Variants in PAPPA2 observed in about 807,000 individuals in gnomAD.
PAPPA2 encodes the protein pappalysin 2, also known as pappalysin-2.
Under a neutral mutation model 176.4 loss-of-function variants are expected in PAPPA2, and 86 were observed. That is an observed-to-expected ratio of 0.49 (90% confidence interval 0.41 to 0.58). The LOEUF (loss-of-function observed/expected upper bound fraction) is 0.58, where lower values mean the gene tolerates loss of function less well. Among genes scored for constraint, PAPPA2 ranks in the 20% least tolerant of loss-of-function variants. The probability of loss-of-function intolerance (pLI) is 0.00; values close to 1 mark genes in which losing one functional copy is unlikely to be tolerated. For missense variants in PAPPA2, 2,073 were observed against 2,256.9 expected (o/e 0.92, Z 1.65); for synonymous variants, 809 against 852.2 (o/e 0.95, Z 0.88).
chr1:176,780,423 C>A (rs1330017555), intron 17 of PAPPA2, among the ~76,000 whole-genome samples: 1 of 152,168 alleles, frequency 6.6e-6, no homozygotes, highest in Non-Finnish European at 1.5e-5. Context: ...CCCTGACTCT[C>A]CCCAACAGTA....
At chr1:176,686,340 A>G (rs1044577061) in intron 4 of PAPPA2, among the ~76,000 whole-genome samples, 2 of 152,182 alleles carry the variant, frequency 1.3e-5, no homozygotes, top group Admixed American at 6.5e-5. Context: ...GGGAAATGCC[A>G]GACACTTATA....
At chr1:176,476,082 C>A (rs140791160) in intron 1 of PAPPA2, among the ~76,000 whole-genome samples, 37 of 152,272 alleles carry the variant, frequency 2.4e-4, no homozygotes, top group African/African-American at 8.9e-4. Context: ...AAAGCTGGAT[C>A]ATTTTCCATG....
chr1:176,740,397 C>A (rs1049653622), intron 14 of PAPPA2, among the ~76,000 whole-genome samples: 2 of 152,102 alleles, frequency 1.3e-5, no homozygotes, highest in African/African-American at 4.8e-5. Flanking sequence ...TTCTTCTTTC[C>A]TTAGCTGACC....
chr1:176,616,732 G>T (rs777825902), intron 3 of PAPPA2: 1 of 1,355,076 alleles, frequency 7.4e-7, no homozygotes, highest in Non-Finnish European at 1.0e-6. Context: ...TGTGTAATAG[G>T]AAATCTCATG....
chr1:176,640,656 G>A (rs548542287), intron 3 of PAPPA2, among the ~76,000 whole-genome samples: 6 of 152,104 alleles, frequency 3.9e-5, no homozygotes, highest in Admixed American at 3.9e-4. Context: ...ATATACGTGT[G>A]CATGTGTCTT....
intron 1 of PAPPA2, among the ~76,000 whole-genome samples, chr1:176,504,379 A>T (rs781304660): frequency 6.6e-6 from 1 of 152,146 alleles, no homozygotes; most frequent in East Asian, 1.9e-4. Context: ...ATACATGCAG[A>T]TATATAAATA....
rs1486678701 is a variant in PAPPA2, at chr1:176,595,207, G to T, written c.1603G>T (p.Asp535Tyr). The T allele has an allele frequency of 6.2e-7, 1 of 1,614,108 alleles. No individual in the cohort carries two copies. Among genetic ancestry groups the T allele is most frequent in the African/African-American group, 1.3e-5 (1 of 74,940 alleles). Residue 535 changes from aspartate (D) to tyrosine (Y), a missense_variant, in exon 3 of 23, where the codon GAT becomes TAT. Physicochemically the swap from Asp to Tyr is radical, Grantham distance 160 (BLOSUM62 -3). This residue lies in a region of PAPPA2 where 1,196 missense variants were observed against 1,330.4 expected (regional missense o/e 0.90). Transcript: ENST00000367662. ...IRYQVVNICD[D>Y]EGLNPIVSEE... ...CTACCAGGTGGTGAACATCTGTGAT[G>T]ATGAGGGCCTAAACCCCATTGTGAG...
At chr1:176,691,573 T>A (rs1416497684) in intron 5 of PAPPA2, among the ~76,000 whole-genome samples, 2 of 152,172 alleles carry the variant, frequency 1.3e-5, no homozygotes, top group South Asian at 2.1e-4. Context: ...ACTAGAAAAG[T>A]TCCTGGCACT....
At chr1:176,494,123 T>C (rs1259169307) in intron 1 of PAPPA2, among the ~76,000 whole-genome samples, 24 of 152,342 alleles carry the variant, frequency 1.6e-4, no homozygotes, top group Admixed American at 7.8e-4. Flanking sequence ...CTGAATACTC[T>C]AAGAATGCTA....
chr1:176,803,223 G>A (rs959991538), intron 21 of PAPPA2, among the ~76,000 whole-genome samples: 2 of 152,096 alleles, frequency 1.3e-5, no homozygotes, highest in African/African-American at 4.8e-5. Context: ...TGGGAACTGG[G>A]TCAACAAAGC....
At position 176,710,111 on chromosome 1, in the gene PAPPA2, T is replaced by C. The variant is rs752849685; in HGVS notation, c.3586T>C (p.Tyr1196His). 2.5e-6 allele frequency: 4 copies of C among 1,613,890 alleles called. No individual in the cohort carries two copies. The highest frequency in any genetic ancestry group is 3.4e-6 in the Non-Finnish European group (4 of 1,179,808). Residue 1196 changes from tyrosine (Y) to histidine (H), a missense_variant, in exon 11 of 23, where the codon TAC becomes CAC. Physicochemically the swap from Tyr to His is moderately conservative, Grantham distance 83. Around this residue, in one of 4 missense-constraint regions of PAPPA2, gnomAD observed 846 missense variants for 857.9 expected, o/e 0.99. Coordinates refer to ENST00000367662, the MANE Select transcript of PAPPA2 (RefSeq NM_020318.3). ...CTTGGATCAATGGGCTACCCGGGCTTACTCCTCTCATGAAGACAAGAAGAA... is the reference window on the plus strand; with the variant it reads ...CTTGGATCAATGGGCTACCCGGGCTCACTCCTCTCATGAAGACAAGAAGAA... ...GYLDQWATRAYSSHEDKKKCP... is the reference protein window; with the variant it reads ...GYLDQWATRAHSSHEDKKKCP...
At chr1:176,788,518 G>C (rs1363841158) in intron 17 of PAPPA2, among the ~76,000 whole-genome samples, 1 of 152,188 alleles carries the variant, frequency 6.6e-6, no homozygotes, top group East Asian at 1.9e-4. Flanking sequence ...TCATATTTTA[G>C]AATTACAAGC....
rs550208548 is a variant in PAPPA2, at chr1:176,535,766, A to G, written c.-916-19641A>G. 2.0e-5 allele frequency among the ~76,000 whole-genome samples: 3 copies of G among 152,312 alleles called. No individual in the cohort carries two copies. The East Asian group carries it at 5.8e-4, about 29-fold the overall frequency. On this transcript the variant is annotated intron_variant, in intron 1 of 22. Coordinates refer to ENST00000367662, the MANE Select transcript of PAPPA2 (RefSeq NM_020318.3). The stretch of plus-strand genomic sequence containing the variant: ...CTCTAGTCCTCTAGTTTTCTCATGT[A>G]TATATTGGGGCTAAGAGTAATTCTT...
intron 2 of PAPPA2, among the ~76,000 whole-genome samples, chr1:176,566,361 C>T (rs1439771631): frequency 1.3e-5 from 2 of 152,202 alleles, no homozygotes; most frequent in East Asian, 3.9e-4. Context: ...CACACTCCAG[C>T]TTCAGTGCCT....
At chr1:176,748,127 T>G (rs985391825) in intron 14 of PAPPA2, among the ~76,000 whole-genome samples, 6 of 152,238 alleles carry the variant, frequency 3.9e-5, no homozygotes, top group Admixed American at 3.3e-4. Context: ...GTGGAGATTA[T>G]GCAAGGGTAG....
chr1:176,631,032 C>G (rs1270109605), intron 3 of PAPPA2, among the ~76,000 whole-genome samples: 2 of 151,970 alleles, frequency 1.3e-5, no homozygotes, highest in African/African-American at 2.4e-5. Context: ...GAACACCAGA[C>G]AGTTAAATGA....
intron 12 of PAPPA2, among the ~76,000 whole-genome samples, chr1:176,734,330 G>A (rs1288318810): frequency 4.6e-5 from 7 of 151,728 alleles, no homozygotes; most frequent in African/African-American, 7.3e-5. Context: ...CCCCTAGTTC[G>A]GGTGGGATTA....
chr1:176,595,209 T>A lies in PAPPA2; in HGVS notation c.1605T>A (p.Asp535Glu). The change falls in exon 3 of 23, where the codon GAT becomes GAA. Residue 535 changes from aspartate (D) to glutamate (E), a missense_variant. This residue lies in a region of PAPPA2 where 1,196 missense variants were observed against 1,330.4 expected (regional missense o/e 0.90). Coordinates refer to ENST00000367662, the MANE Select transcript of PAPPA2 (RefSeq NM_020318.3). Reference protein sequence around the residue: ...IRYQVVNICDDEGLNPIVSEE... With the variant: ...IRYQVVNICDEEGLNPIVSEE... ...ACCAGGTGGTGAACATCTGTGATGATGAGGGCCTAAACCCCATTGTGAGTG... is the reference window on the plus strand; with the variant it reads ...ACCAGGTGGTGAACATCTGTGATGAAGAGGGCCTAAACCCCATTGTGAGTG... 2.5e-6 allele frequency: 4 copies of A among 1,614,172 alleles called. No individual in the cohort carries two copies. Among genetic ancestry groups the A allele is most frequent in the Non-Finnish European group, 3.4e-6 (4 of 1,180,020 alleles).
intron 21 of PAPPA2, among the ~76,000 whole-genome samples, chr1:176,801,972 G>A (rs748948560): frequency 5.9e-5 from 9 of 152,046 alleles, no homozygotes; most frequent in Non-Finnish European, 8.8e-5. Context: ...TGACTGCTGG[G>A]CTGATGTCTC....
Sources: allele counts gnomAD v4.1 joint callset (sites outside exome capture counted in the v4.1 genomes callset), GRCh38; gene constraint gnomAD v4.1.1; regional missense constraint gnomAD v4.1.1; transcripts MANE v1.5; gene names NCBI Gene and HGNC (gene_info 2026-07-23, HGNC 2026-07-21).